NREP: variants seen among roughly 807,000 people sequenced by gnomAD.
NREP encodes neuronal regeneration-related protein.
In NREP, 5 loss-of-function variants were observed where a neutral mutation model predicts 8.6. The ratio of observed to expected loss-of-function variants is 0.58; its 90% CI spans 0.30 to 1.22. NREP has a LOEUF of 1.22. Ranked by LOEUF, NREP falls within the 50% of genes most tolerant of loss-of-function variation. The pLI, the probability that NREP is intolerant of heterozygous loss-of-function variation, is 0.07. For synonymous variants in NREP, 27 were observed against 28.0 expected, an observed-to-expected ratio of 0.96 and a Z score of 0.11; for missense variants, 86 against 82.5, an observed-to-expected ratio of 1.04 and a Z score of -0.17.
chr5:111,748,765 A>G (rs1750171756), intron 2 of NREP, among the ~76,000 whole-genome samples: 1 of 152,194 alleles, frequency 6.6e-6, no homozygotes, highest in Non-Finnish European at 1.5e-5. Flanking sequence ...AATGGAAAAA[A>G]AAGGCATCAC....
At chr5:111,846,727 C>T (rs983843328) in intron 2 of NREP, among the ~76,000 whole-genome samples, 1 of 152,112 alleles carries the variant, frequency 6.6e-6, no homozygotes, top group African/African-American at 2.4e-5. Flanking sequence ...TGCTCTGCAT[C>T]TGTCTGGCTT....
chr5:111,904,144 T>A (rs1754719123), intron 2 of NREP, among the ~76,000 whole-genome samples: 1 of 152,130 alleles, frequency 6.6e-6, no homozygotes, highest in South Asian at 2.1e-4. Context: ...CAACTCAGTT[T>A]CTTCTATTAT....
In NREP at chr5:111,936,521, A is replaced by C. The variant is rs572152024; in HGVS notation, c.135+38753T>G. Reference sequence around the variant, plus strand: ...TTAATAGTAGTGTAAAAATGGACTAATACAGGGCCCATCCTATCCCAGTAT... The same window carrying C: ...TTAATAGTAGTGTAAAAATGGACTACTACAGGGCCCATCCTATCCCAGTAT... On this transcript the variant is annotated intron_variant, in intron 2 of 3. Transcript: ENST00000395634. Among the ~76,000 whole-genome samples, 255 of 152,202 alleles carry C rather than the reference A, an allele frequency of 1.7e-3. 1 individual carries two copies. The highest frequency in any genetic ancestry group is 5.8e-3 in the African/African-American group (242 of 41,564).
chr5:111,920,297 A>G (rs1181419931), intron 2 of NREP, among the ~76,000 whole-genome samples: 1 of 151,904 alleles, frequency 6.6e-6, no homozygotes, highest in Non-Finnish European at 1.5e-5. Context: ...TTTATTTATT[A>G]TGTTTTAATT....
chr5:111,935,063 G>C (rs1342609427), intron 2 of NREP, among the ~76,000 whole-genome samples: 1 of 152,056 alleles, frequency 6.6e-6, no homozygotes, highest in African/African-American at 2.4e-5. Context: ...AAAGCTTTTA[G>C]TAACTATTTT....
At chr5:111,805,678 C>G (rs1057351285) in intron 2 of NREP, among the ~76,000 whole-genome samples, 1 of 152,102 alleles carries the variant, frequency 6.6e-6, no homozygotes, top group Non-Finnish European at 1.5e-5. Flanking sequence ...AACTAGCTCT[C>G]AAATACTTCA....
At chr5:111,816,619 A>G (rs1752390982) in intron 2 of NREP, among the ~76,000 whole-genome samples, 1 of 151,942 alleles carries the variant, frequency 6.6e-6, no homozygotes, top group South Asian at 2.1e-4. Flanking sequence ...AAGGATATAC[A>G]TAATACCTAA....
chr5:111,936,198 G>A (rs1031959654), intron 2 of NREP, among the ~76,000 whole-genome samples: 1 of 152,072 alleles, frequency 6.6e-6, no homozygotes, highest in East Asian at 1.9e-4. Flanking sequence ...TTCTGGAATG[G>A]TAATTCCCAT....
chr5:111,895,254 G>A (rs1004632684), intron 2 of NREP, among the ~76,000 whole-genome samples: 1 of 152,146 alleles, frequency 6.6e-6, no homozygotes, highest in African/African-American at 2.4e-5. Flanking sequence ...TGATGGTAGT[G>A]AAAAATGAGT....
In NREP at chr5:111,757,122, T is replaced by G. The variant is rs1246011926; in HGVS notation, c.-59+14A>C. ...CAGCGCTCCCAGCCGGGGATAGGAA[T>G]GGCATATACTTACAGACAAAAGCCC... On this transcript the variant is annotated intron_variant, in intron 1 of 3. Coordinates refer to ENST00000257435, the MANE Select transcript of NREP (RefSeq NM_004772.4). 1 of 828,648 alleles carries G rather than the reference T, an allele frequency of 1.2e-6. No individual in the cohort carries two copies. The highest frequency in any genetic ancestry group is 1.5e-6 in the Non-Finnish European group (1 of 687,586). 51.3% of individuals were successfully genotyped at this position (828,648 alleles called of 1,614,324 possible).
intron 2 of NREP, among the ~76,000 whole-genome samples, chr5:111,937,836 T>A (rs893368995): frequency 6.6e-6 from 1 of 152,018 alleles, no homozygotes; most frequent in Non-Finnish European, 1.5e-5. Context: ...TCTCACAGGG[T>A]ACTGGACCCA....
intron 2 of NREP, among the ~76,000 whole-genome samples, chr5:111,736,598 C>T (rs1266936136): frequency 6.6e-6 from 1 of 152,086 alleles, no homozygotes; most frequent in Non-Finnish European, 1.5e-5. Flanking sequence ...TGGTATACCC[C>T]GATCAATCCA....
chr5:111,899,934 C>G (rs1354198548), intron 2 of NREP, among the ~76,000 whole-genome samples: 1 of 152,120 alleles, frequency 6.6e-6, no homozygotes, highest in Non-Finnish European at 1.5e-5. Context: ...AAAGAAACAT[C>G]AGACTTAATC....
chr5:111,876,182 T>A (rs1753904365), intron 2 of NREP, among the ~76,000 whole-genome samples: 1 of 152,196 alleles, frequency 6.6e-6, no homozygotes, highest in Non-Finnish European at 1.5e-5. Context: ...CTGCTGGCAT[T>A]CCCACATCCC....
chr5:111,956,380 C>A (rs116819805), intron 2 of NREP, among the ~76,000 whole-genome samples: 1,731 of 151,666 alleles, frequency 0.011, 38 homozygotes, highest in African/African-American at 0.04. Context: ...ATGAAACCGA[C>A]AGAGTTGTGA....
intron 2 of NREP, among the ~76,000 whole-genome samples, chr5:111,831,663 T>A (rs1752771048): frequency 6.6e-6 from 1 of 152,308 alleles, no homozygotes; most frequent in South Asian, 2.1e-4. Flanking sequence ...AGGAATCATC[T>A]TCTCTCAGCC....
At chr5:111,934,025 C>G (rs546141280) in intron 2 of NREP, among the ~76,000 whole-genome samples, 1 of 152,048 alleles carries the variant, frequency 6.6e-6, no homozygotes, top group South Asian at 2.1e-4. Context: ...TACCATTTTC[C>G]TTTTGGGGAC....
intron 2 of NREP, among the ~76,000 whole-genome samples, chr5:111,798,965 G>A (rs527885098): frequency 3.9e-5 from 6 of 152,140 alleles, no homozygotes; most frequent in East Asian, 3.9e-4. Context: ...TAGATCAAAC[G>A]GTAGATCTAC....
chr5:111,752,834 CTT>C (rs1750448937), intron 2 of NREP, among the ~76,000 whole-genome samples: 3 of 152,164 alleles, frequency 2.0e-5, no homozygotes, highest in Admixed American at 2.0e-4. Context: ...AAAACCAGGA[CTT>C]AACCTTGACA....
Sources: allele counts gnomAD v4.1 joint callset (sites outside exome capture counted in the v4.1 genomes callset), GRCh38; gene constraint gnomAD v4.1.1; transcripts MANE v1.5; gene names NCBI Gene and HGNC (gene_info 2026-07-23, HGNC 2026-07-21).